The following PPFIA2 variants were observed in gnomAD, a reference collection of about 807,000 sequenced individuals.
PPFIA2 encodes PPFI scaffold protein A2, also known as liprin-alpha-2.
PPFIA2 carries 46 observed loss-of-function variants against 175.5 expected under a neutral mutation model. The ratio of observed to expected loss-of-function variants is 0.26; its 90% CI spans 0.21 to 0.34. PPFIA2 has a LOEUF of 0.34. Among genes scored for constraint, PPFIA2 ranks in the 10% least tolerant of loss-of-function variants. PPFIA2 has a pLI of 1.00. For synonymous variants in PPFIA2, 568 were observed against 511.4 expected (o/e 1.11, Z -1.49); for missense variants, 1,179 against 1,506.1 (o/e 0.78, Z 3.60).
At chr12:81,386,029 G>T (rs1182247703) in intron 8 of PPFIA2, among the ~76,000 whole-genome samples, 3 of 151,574 alleles carry the variant, frequency 2.0e-5, no homozygotes, top group Non-Finnish European at 2.9e-5. Flanking sequence ...TAATCCCAGT[G>T]CTTTGGGAGG....
Position 81,655,639 on chromosome 12 carries a change from A to G in PPFIA2, c.303+21152T>C, listed in dbSNP as rs1405251340. On this transcript the variant is annotated intron_variant, in intron 4 of 32. Coordinates refer to ENST00000549396, the MANE Select transcript of PPFIA2 (RefSeq NM_003625.5). ...AAAATTTTCATGTTTAGTGTTAACT[A>G]CTAGCTGAACTCTGCTGTTAAAAGA... Among the ~76,000 whole-genome samples the G allele has an allele frequency of 7.9e-5, 12 of 152,072 alleles. No individual in the cohort carries two copies. The East Asian group carries it at 2.3e-3, about 29-fold the overall frequency.
chr12:81,398,277 A>G (rs962229003), intron 8 of PPFIA2, among the ~76,000 whole-genome samples: 1 of 152,098 alleles, frequency 6.6e-6, no homozygotes, highest in Non-Finnish European at 1.5e-5. Context: ...ATGTTTGCTG[A>G]AGACATTACA....
In PPFIA2 at chr12:81,291,480, T is replaced by C. The variant is rs139246040; in HGVS notation, c.2925+3355A>G. Among the ~76,000 whole-genome samples, 44 of 152,060 alleles carry C rather than the reference T, an allele frequency of 2.9e-4. 3 individuals carry two copies. Among genetic ancestry groups the C allele is most frequent in the African/African-American group, 1.0e-3 (43 of 41,550 alleles). ...CCCTTTCTGATCTCAAGGCCACACG[T>C]TTCTTATACTTCAGCAGAGTATATG... On this transcript the variant is annotated intron_variant, in intron 24 of 32. Transcript: ENST00000549396.
chr12:81,699,988 C>T (rs1410469014), intron 3 of PPFIA2, among the ~76,000 whole-genome samples: 2 of 151,962 alleles, frequency 1.3e-5, no homozygotes, highest in African/African-American at 4.8e-5. Context: ...ACTCTTCAAT[C>T]CTTGAAATTT....
chr12:81,543,505 T>C (rs1204403892), intron 4 of PPFIA2, among the ~76,000 whole-genome samples: 3 of 152,124 alleles, frequency 2.0e-5, no homozygotes, highest in Admixed American at 6.6e-5. Flanking sequence ...ATGATATAAG[T>C]AAATAAATGT....
At position 81,325,768 on chromosome 12, in the gene PPFIA2, C is replaced by CAAACCTA. The variant is rs1339405199; in HGVS notation, c.2642+2_2642+8dup. On this transcript the variant is annotated intron_variant, in intron 22 of 32. Coordinates refer to ENST00000549396, the MANE Select transcript of PPFIA2 (RefSeq NM_003625.5). ...AGTTAGAAAAAGAGGGAAAAATCCC[C>CAAACCTA]AAACCTACTTTTTCTTTAGTCTTCG... The CAAACCTA allele has an allele frequency of 6.2e-7, 1 of 1,602,694 alleles. No individual in the cohort carries two copies.
intron 7 of PPFIA2, among the ~76,000 whole-genome samples, chr12:81,418,987 C>A (rs1020384105): frequency 2.6e-5 from 4 of 151,832 alleles, no homozygotes; most frequent in African/African-American, 9.7e-5. Context: ...AATTGAATGT[C>A]AATTGCATTT....
intron 4 of PPFIA2, among the ~76,000 whole-genome samples, chr12:81,642,579 A>C (rs1039936097): frequency 7.0e-5 from 10 of 142,270 alleles, no homozygotes; most frequent in Non-Finnish European, 1.4e-4. Context: ...TTATTATAAA[A>C]GTATAATAAT....
chr12:81,661,117 G>T (rs374698014), intron 4 of PPFIA2, among the ~76,000 whole-genome samples: 1 of 152,094 alleles, frequency 6.6e-6, no homozygotes. Context: ...AGACCATCGA[G>T]GCTAGGAAGA....
intron 4 of PPFIA2, among the ~76,000 whole-genome samples, chr12:81,647,775 AT>A (rs1567708830): frequency 2.2e-4 from 31 of 139,422 alleles, no homozygotes; most frequent in African/African-American, 7.7e-4. Context: ...ATATATATAT[AT>A]ATAATATACA....
rs141926249 is a variant in PPFIA2 at position 81,365,629 on chromosome 12, T to A, written c.1545+1479A>T. On this transcript the variant is annotated intron_variant, in intron 14 of 32. Transcript: ENST00000549396. ...AACTTCTGATGATTCATCAAATCAA[T>A]CATCTTGATTTTCTTTGTGCCGTTG... Among the ~76,000 whole-genome samples the A allele has an allele frequency of 6.6e-5, 10 of 151,864 alleles. No homozygotes were observed. The East Asian group carries it at 1.9e-3, about 30-fold the overall frequency.
Position 81,426,059 on chromosome 12 carries a change from CT to C in PPFIA2, c.645+13912del, listed in dbSNP as rs536198727. ...AGGCTGACTACACCTGATAATCCAG[CT>C]TGAGGGACAGTTATGCCAGTTTGAC... is the stretch of plus-strand genomic sequence containing the variant. On this transcript the variant is annotated intron_variant, in intron 7 of 32. Coordinates refer to ENST00000549396, the MANE Select transcript of PPFIA2 (RefSeq NM_003625.5). 1.2e-4 allele frequency among the ~76,000 whole-genome samples: 18 copies of C among 152,222 alleles called. No individual in the cohort carries two copies. In the South Asian group the frequency reaches 3.7e-3, roughly 32 times the overall value.
chr12:81,581,786 T>G (rs11114920), intron 4 of PPFIA2, among the ~76,000 whole-genome samples: 4,174 of 151,886 alleles, frequency 0.027, 69 homozygotes, highest in East Asian at 0.077. Flanking sequence ...TTTCTTTCAG[T>G]GTTTCTGTAT....
At chr12:81,383,325 T>C (rs577998111) in intron 9 of PPFIA2, among the ~76,000 whole-genome samples, 3 of 152,102 alleles carry the variant, frequency 2.0e-5, no homozygotes, top group South Asian at 2.1e-4. Context: ...TCCACAAATA[T>C]AATTTTCTTT....
chr12:81,517,409 C>A (rs1352460317), intron 4 of PPFIA2, among the ~76,000 whole-genome samples: 1 of 152,154 alleles, frequency 6.6e-6, no homozygotes, highest in Non-Finnish European at 1.5e-5. Context: ...AGAAACCCAG[C>A]ATGTCTTCTA....
chr12:81,716,689 AC>A (rs1289531770), intron 3 of PPFIA2, among the ~76,000 whole-genome samples: 1 of 151,756 alleles, frequency 6.6e-6, no homozygotes, highest in East Asian at 1.9e-4. Context: ...TTGTTACTGG[AC>A]TTACACCTGT....
chr12:81,743,515 CT>C (rs368847331), intron 3 of PPFIA2, among the ~76,000 whole-genome samples: 1 of 123,264 alleles, frequency 8.1e-6, no homozygotes, highest in African/African-American at 3.0e-5. Context: ...GTGTTAATAG[CT>C]TTTTTTAAAA....
chr12:81,407,563 C>A (rs538504804), intron 7 of PPFIA2, among the ~76,000 whole-genome samples: 1 of 151,514 alleles, frequency 6.6e-6, no homozygotes. Flanking sequence ...TAAAGTTTTC[C>A]CAGCTTATTT....
intron 20 of PPFIA2, among the ~76,000 whole-genome samples, chr12:81,340,449 A>G (rs1466920890): frequency 6.6e-6 from 1 of 152,124 alleles, no homozygotes; most frequent in Non-Finnish European, 1.5e-5. Context: ...ATGCTTAGGT[A>G]TATTCATATC....
Sources: gnomAD v4.1 joint callset for allele counts (sites outside exome capture counted in the v4.1 genomes callset) on GRCh38, gnomAD v4.1.1 for gene constraint, MANE v1.5 for transcripts, NCBI Gene and HGNC (gene_info 2026-07-23, HGNC 2026-07-21) for gene names.